Variants in SEMA5B observed in about 807,000 individuals in gnomAD.
SEMA5B encodes semaphorin 5B.
A neutral mutation model predicts 135.0 loss-of-function variants in SEMA5B; 66 were observed. That is an observed-to-expected ratio of 0.49 (90% CI 0.40 to 0.60). The LOEUF (loss-of-function observed/expected upper bound fraction) is 0.60. Ranked by LOEUF, SEMA5B falls within the 20% of genes least tolerant of loss-of-function variation. SEMA5B has a pLI of 0.00. For synonymous variants in SEMA5B, 690 were observed against 639.5 expected, an observed-to-expected ratio of 1.08 and a Z score of -1.19; for missense variants, 1,501 against 1,566.3, an observed-to-expected ratio of 0.96 and a Z score of 0.70.
chr3:122,948,746 T>C (rs1401432335), intron 2 of SEMA5B, 37 bp from the exon 3 acceptor site: 2 of 1,518,394 alleles, frequency 1.3e-6, no homozygotes, highest in East Asian at 2.3e-5. Context: ...AAGCGCTCCC[T>C]CCAACTGGGC....
At chr3:122,968,937 T>C (rs965298854) in intron 1 of SEMA5B, among the ~76,000 whole-genome samples, 3 of 152,230 alleles carry the variant, frequency 2.0e-5, no homozygotes, top group African/African-American at 7.2e-5. Context: ...TTACCAATGC[T>C]TACGTCTGAC....
At chr3:122,967,340 A>G (rs143846727) in intron 1 of SEMA5B, among the ~76,000 whole-genome samples, 113 of 152,334 alleles carry the variant, frequency 7.4e-4, no homozygotes, top group Middle Eastern at 3.4e-3. Flanking sequence ...CTTCTAAACT[A>G]TCTTCAGAAG....
At chr3:122,953,511 C>T (rs982881813) in intron 2 of SEMA5B, among the ~76,000 whole-genome samples, 6 of 152,178 alleles carry the variant, frequency 3.9e-5, no homozygotes, top group African/African-American at 1.4e-4. Context: ...GTGTCCACCT[C>T]GGCCCCAGCA....
At chr3:122,970,008 T>C (rs1440949799) in intron 1 of SEMA5B, among the ~76,000 whole-genome samples, 1 of 152,156 alleles carries the variant, frequency 6.6e-6, no homozygotes, top group Non-Finnish European at 1.5e-5. Context: ...CAGAGTTGGG[T>C]GGCTCCGTGT....
intron 21 of SEMA5B, 183 bp downstream of exon 21, chr3:122,911,308 G>T (rs1297397014): frequency 5.4e-6 from 8 of 1,487,898 alleles, no homozygotes; most frequent in Non-Finnish European, 7.2e-6. Context: ...ACTGATGATG[G>T]CCTCCTAGCT....
chr3:122,966,559 TATTATTA>T (rs1940837271), intron 1 of SEMA5B, among the ~76,000 whole-genome samples: 1 of 149,344 alleles, frequency 6.7e-6, no homozygotes, highest in African/African-American at 2.5e-5. Flanking sequence ...TTATTATTAT[TATTATTA>T]TTTTTTGAGA....
At chr3:122,983,271 G>C (rs1941583773) in intron 1 of SEMA5B, among the ~76,000 whole-genome samples, 1 of 151,914 alleles carries the variant, frequency 6.6e-6, no homozygotes, top group Non-Finnish European at 1.5e-5. Flanking sequence ...TTTTTTGGGG[G>C]GGTTTTGTTT....
At chr3:123,023,523 T>C (rs1045708033) in intron 1 of SEMA5B, among the ~76,000 whole-genome samples, 5 of 152,170 alleles carry the variant, frequency 3.3e-5, no homozygotes, top group Non-Finnish European at 7.3e-5. Context: ...TTTGCATCTA[T>C]TTACACCACA....
rs1938901130 is a variant in SEMA5B at position 122,930,301 on chromosome 3, A to G, written c.475-1243T>C. Among the ~76,000 whole-genome samples the G allele has an allele frequency of 2.0e-5, 3 of 152,316 alleles. 1 individual carries two copies. The South Asian group carries it at 6.2e-4, about 32-fold the overall frequency. ...GCTGACTCCTGCACACCCTGGATTC[A>G]GGAGATGAGTGACAAGTTTGGAGCC... On this transcript the variant is annotated intron_variant, in intron 5 of 22. Coordinates refer to ENST00000357599, the MANE Select transcript of SEMA5B (RefSeq NM_001031702.4).
intron 2 of SEMA5B, among the ~76,000 whole-genome samples, chr3:122,949,854 T>G (rs1939967152): frequency 6.6e-6 from 1 of 152,066 alleles, no homozygotes; most frequent in Non-Finnish European, 1.5e-5. Flanking sequence ...TCCCTGTGAT[T>G]TCATCCACGA....
At chr3:123,015,968 T>A (rs953278937) in intron 1 of SEMA5B, among the ~76,000 whole-genome samples, 2 of 152,204 alleles carry the variant, frequency 1.3e-5, no homozygotes, top group Non-Finnish European at 2.9e-5. Context: ...TTAAACTGTG[T>A]GCTGACACAG....
chr3:122,989,091 C>T (rs1254995499), intron 1 of SEMA5B, among the ~76,000 whole-genome samples: 1 of 152,228 alleles, frequency 6.6e-6, no homozygotes, highest in African/African-American at 2.4e-5. Flanking sequence ...TCTCACTGCT[C>T]CGCTAGAGGA....
At chr3:122,921,782 G>T in intron 12 of SEMA5B, 133 bp downstream of exon 12, 1 of 633,638 alleles carries the variant, frequency 1.6e-6, no homozygotes, top group Non-Finnish European at 2.6e-6. Flanking sequence ...GTTCAGCGAG[G>T]TGGAGTGACT....
At chr3:122,926,901 C>T (rs549118008) in intron 8 of SEMA5B, among the ~76,000 whole-genome samples, 1 of 152,194 alleles carries the variant, frequency 6.6e-6, no homozygotes, top group Non-Finnish European at 1.5e-5. Flanking sequence ...CACTGGGTGC[C>T]AGACACCATC....
intron 3 of SEMA5B, among the ~76,000 whole-genome samples, chr3:122,945,156 G>A (rs1939728872): frequency 6.6e-6 from 1 of 152,150 alleles, no homozygotes; most frequent in Non-Finnish European, 1.5e-5. Flanking sequence ...TTTGTGAGTT[G>A]GATGTTTTTC....
intron 12 of SEMA5B, among the ~76,000 whole-genome samples, chr3:122,919,448 T>C (rs946039343): frequency 1.3e-5 from 2 of 152,108 alleles, no homozygotes; most frequent in Admixed American, 1.3e-4. Context: ...GCTGAGATTC[T>C]CCTGAGTGAA....
chr3:122,961,556 C>T (rs12490704), intron 1 of SEMA5B, among the ~76,000 whole-genome samples: 35,805 of 151,668 alleles, frequency 0.24, 4,330 homozygotes, highest in East Asian at 0.37. Context: ...ACCTCCTAGG[C>T]TCAAAAGATC....
intron 15 of SEMA5B, 45 bp from the exon 16 acceptor site, chr3:122,913,726 T>A: frequency 1.2e-6 from 2 of 1,602,552 alleles, no homozygotes; most frequent in Non-Finnish European, 1.7e-6. Flanking sequence ...GGGACCCCCT[T>A]CCCTGACGAG....
At chr3:122,912,579 A>G (rs975132321) in intron 18 of SEMA5B, among the ~76,000 whole-genome samples, 6 of 151,882 alleles carry the variant, frequency 4.0e-5, no homozygotes, top group African/African-American at 1.5e-4. Flanking sequence ...TCCACCTCCA[A>G]TCAAGCTTCT....
Sources: gnomAD v4.1 joint callset for allele counts (sites outside exome capture counted in the v4.1 genomes callset) on GRCh38, gnomAD v4.1.1 for gene constraint, MANE v1.5 for transcripts, NCBI Gene and HGNC (gene_info 2026-07-23, HGNC 2026-07-21) for gene names.